SLCO2A1: variants seen among roughly 807,000 people sequenced by gnomAD.
SLCO2A1 encodes matrin F/G 1.
Under a neutral mutation model 71.7 loss-of-function variants are expected in SLCO2A1, and 60 were observed. That is an observed-to-expected ratio of 0.84 (90% CI 0.68 to 1.04). The LOEUF is 1.04. SLCO2A1 is among the 50% of genes least tolerant of loss of function. The pLI is 0.00. For synonymous variants in SLCO2A1, 308 were observed against 326.7 expected (o/e 0.94, Z 0.62); for missense variants, 745 against 813.4 (o/e 0.92, Z 1.02).
rs538973551 is a variant in SLCO2A1 at position 133,942,537 on chromosome 3, C to T, written c.1625+68G>A. 2.1e-5 allele frequency: 31 copies of T among 1,486,818 alleles called. No individual in the cohort carries two copies. The East Asian group carries it at 4.1e-4, about 20-fold the overall frequency. The allele number at this position is 1,486,818 out of a possible 1,614,324, so 92.1% of individuals were successfully genotyped here. A position where few individuals can be genotyped will look rare whatever the true frequency, so the allele number is the denominator to read the frequency against. On this transcript the variant is annotated intron_variant, in intron 11 of 13. Transcript: ENST00000310926. ...GAGAGATGAGAAACAGGCAACTAGG[C>T]GCAAAGTCAAAGGGAGATGTGGGGA...
chr3:134,027,290 G>C (rs187449164), intron 1 of SLCO2A1, among the ~76,000 whole-genome samples: 1 of 152,318 alleles, frequency 6.6e-6, no homozygotes, highest in African/African-American at 2.4e-5. Context: ...AGACAGCCCG[G>C]AGCCGCACCC....
chr3:133,967,731 C>T (rs1028109059), intron 3 of SLCO2A1, among the ~76,000 whole-genome samples: 1 of 151,814 alleles, frequency 6.6e-6, no homozygotes, highest in Non-Finnish European at 1.5e-5. Context: ...TACATACACC[C>T]TTTCTCCTCC....
intron 4 of SLCO2A1, 107 bp from the exon 5 acceptor site, chr3:133,953,868 C>A: frequency 1.2e-6 from 1 of 823,784 alleles, no homozygotes; most frequent in East Asian, 2.6e-5. Flanking sequence ...CATCTGTTCC[C>A]AAGCCTGATA....
At position 133,934,645 on chromosome 3, in the gene SLCO2A1, G is replaced by A. The variant is rs1933221153; in HGVS notation, c.*68C>T. ...AAAAGGAAATGACGTGTTAACATTA[G>A]TGAGTATAGGCAGGTGTGGAAGAGT... On this transcript the variant is annotated 3_prime_UTR_variant, in exon 14 of 14. Transcript: ENST00000310926. The A allele has an allele frequency of 9.5e-6, 10 of 1,053,886 alleles. No homozygotes were observed. Among genetic ancestry groups the A allele is most frequent in the Non-Finnish European group, 1.3e-5 (9 of 688,014 alleles). The allele number at this position is 1,053,886 out of a possible 1,614,324, so 65.3% of individuals were successfully genotyped here.
At chr3:133,935,018 A>G (rs1933234402) in intron 13 of SLCO2A1, among the ~76,000 whole-genome samples, 188 bp from the exon 14 acceptor site, 1 of 152,122 alleles carries the variant, frequency 6.6e-6, no homozygotes, top group Admixed American at 6.5e-5. Context: ...GGAAGCAGGC[A>G]GGGAGTAGGC....
In SLCO2A1 at chr3:133,973,049, A is replaced by G. The variant is rs79988437; in HGVS notation, c.397+614T>C. On this transcript the variant is annotated intron_variant, in intron 3 of 13. Coordinates refer to ENST00000310926, the MANE Select transcript of SLCO2A1 (RefSeq NM_005630.3). ...GGAGGTTAAAGAGAGGTAGAACAAA[A>G]ATATGGGTCAACCATAAGTGGAAGA... Among the ~76,000 whole-genome samples, 280 of 152,322 alleles carry G rather than the reference A, an allele frequency of 1.8e-3. 2 individuals are homozygous for G. The highest frequency in any genetic ancestry group is 6.2e-3 in the African/African-American group (257 of 41,582).
intron 2 of SLCO2A1, among the ~76,000 whole-genome samples, chr3:133,974,644 A>T (rs1934407045): frequency 6.6e-6 from 1 of 152,216 alleles, no homozygotes; most frequent in African/African-American, 2.4e-5. Flanking sequence ...TCCCTGGAAG[A>T]TGTGCTCTCT....
chr3:134,015,692 A>G (rs1935436322), intron 1 of SLCO2A1, among the ~76,000 whole-genome samples: 1 of 152,230 alleles, frequency 6.6e-6, no homozygotes, highest in African/African-American at 2.4e-5. Flanking sequence ...TGTACTCCAT[A>G]ATGTATACAA....
chr3:133,986,970 G>C (rs1398081729), intron 1 of SLCO2A1, among the ~76,000 whole-genome samples: 1 of 152,178 alleles, frequency 6.6e-6, no homozygotes, highest in Admixed American at 6.5e-5. Context: ...AGGAACACCA[G>C]CGGAAGGTCT....
At chr3:133,991,443 C>T (rs150747750) in intron 1 of SLCO2A1, among the ~76,000 whole-genome samples, 29 of 152,328 alleles carry the variant, frequency 1.9e-4, no homozygotes, top group African/African-American at 5.5e-4. Context: ...TATTTTCCCA[C>T]GCAGGAAGAA....
At chr3:134,016,197 A>T (rs745693974) in intron 1 of SLCO2A1, among the ~76,000 whole-genome samples, 3 of 152,190 alleles carry the variant, frequency 2.0e-5, no homozygotes, top group Non-Finnish European at 4.4e-5. Flanking sequence ...AATTCATCAA[A>T]ATTAAACATT....
chr3:133,989,081 C>T (rs188959764), intron 1 of SLCO2A1, among the ~76,000 whole-genome samples: 8 of 152,298 alleles, frequency 5.3e-5, no homozygotes, highest in Admixed American at 4.6e-4. Flanking sequence ...GATTGGCCGG[C>T]GGGCCCTGCA....
chr3:133,994,005 C>G (rs1013520238), intron 1 of SLCO2A1, among the ~76,000 whole-genome samples: 7 of 152,122 alleles, frequency 4.6e-5, no homozygotes, highest in Middle Eastern at 3.4e-3. Context: ...GGAGCTGACC[C>G]CAAGGAATCC....
chr3:134,027,627 T>G, intron 1 of SLCO2A1, among the ~76,000 whole-genome samples: 1 of 152,212 alleles, frequency 6.6e-6, no homozygotes, highest in Admixed American at 6.5e-5. Flanking sequence ...GTTTTGTCTG[T>G]GGCTCGTCCT....
At position 133,942,585 on chromosome 3, in the gene SLCO2A1, C is replaced by CA; in HGVS notation, c.1625+19dup. 1 of 1,594,602 alleles carries CA rather than the reference C, an allele frequency of 6.3e-7. No homozygotes were observed. Among genetic ancestry groups the CA allele is most frequent in the Non-Finnish European group, 8.6e-7 (1 of 1,169,114 alleles). ...GGAAGGAGAAGCCACGCCCCAGACT[C>CA]ACAGAGGTTTGCCACTCACCGCAGA... On this transcript the variant is annotated intron_variant, in intron 11 of 13. Transcript: ENST00000310926.
intron 1 of SLCO2A1, among the ~76,000 whole-genome samples, chr3:134,000,835 C>T (rs1261803085): frequency 6.6e-6 from 1 of 152,204 alleles, no homozygotes; most frequent in Non-Finnish European, 1.5e-5. Flanking sequence ...CTTATTATGT[C>T]TGCTACCTTT....
chr3:133,978,184 G>A (rs1324663555), intron 2 of SLCO2A1, among the ~76,000 whole-genome samples: 1 of 152,200 alleles, frequency 6.6e-6, no homozygotes, highest in African/African-American at 2.4e-5. Context: ...GGTTGAGACT[G>A]GCTGGAGCAG....
At position 133,953,733 on chromosome 3, in the gene SLCO2A1, T is replaced by A; in HGVS notation, c.654A>T (p.Gly218=). ...AGCCCAGCAGGTACCCGAAAGCCGG[T>A]CCAAATACAGAGATGGCAAATAAGA... The part of the protein sequence containing the change: ...ISILFAISVF[G]PAFGYLLGSV... Residue 218 remains glycine, a synonymous_variant, in exon 5 of 14, where the codon GGA becomes GGT. Coordinates refer to ENST00000310926, the MANE Select transcript of SLCO2A1 (RefSeq NM_005630.3). 6.2e-7 allele frequency: 1 copy of A among 1,614,026 alleles called. No individual in the cohort carries two copies. Among genetic ancestry groups the A allele is most frequent in the Non-Finnish European group, 8.5e-7 (1 of 1,179,992 alleles).
Position 133,933,308 on chromosome 3 carries a change from C to T in SLCO2A1, c.*1405G>A, listed in dbSNP as rs970305239. The T allele has an allele frequency of 1.3e-5, 2 of 152,298 alleles. No individual in the cohort carries two copies. The highest frequency in any genetic ancestry group is 2.9e-5 in the Non-Finnish European group (2 of 68,148). 9.4% of individuals were successfully genotyped at this position (152,298 alleles called of 1,614,324 possible). A position where few individuals can be genotyped will look rare whatever the true frequency, so the allele number is the denominator to read the frequency against. ...AATCTGTGGCTTCTTGCTGTCCCCA[C>T]CTCTCCTCCTGCTCTCACCAACTCC... On this transcript the variant is annotated 3_prime_UTR_variant, in exon 14 of 14. Transcript: ENST00000310926.
Sources: allele counts gnomAD v4.1 joint callset (sites outside exome capture counted in the v4.1 genomes callset), GRCh38; gene constraint gnomAD v4.1.1; transcripts MANE v1.5; gene names NCBI Gene and HGNC (gene_info 2026-07-23, HGNC 2026-07-21).